RSAD2: variants seen among roughly 807,000 people sequenced by gnomAD.
RSAD2 encodes the protein radical S-adenosyl methionine domain containing 2.
RSAD2 carries 38 observed loss-of-function variants against 37.7 expected under a neutral mutation model. The ratio of observed to expected loss-of-function variants is 1.01; its 90% CI spans 0.78 to 1.32. The LOEUF (loss-of-function observed/expected upper bound fraction) is 1.32, where lower values mean the gene tolerates loss of function less well. Ranked by LOEUF, RSAD2 falls within the 40% of genes most tolerant of loss-of-function variation. RSAD2 has a pLI of 0.00. For synonymous variants in RSAD2, 163 were observed against 157.4 expected, an observed-to-expected ratio of 1.04 and a Z score of -0.27; for missense variants, 428 against 437.5, an observed-to-expected ratio of 0.98 and a Z score of 0.19.
intron 4 of RSAD2, among the ~76,000 whole-genome samples, chr2:6,890,773 G>A (rs1026076130): frequency 1.4e-4 from 22 of 152,288 alleles, no homozygotes; most frequent in Admixed American, 1.4e-3. Flanking sequence ...ACAGAATGTA[G>A]AAGAAATGTT....
At chr2:6,885,730 A>T (rs926141503) in intron 2 of RSAD2, among the ~76,000 whole-genome samples, 2 of 151,646 alleles carry the variant, frequency 1.3e-5, no homozygotes, top group African/African-American at 4.8e-5. Flanking sequence ...CTTGGAAATC[A>T]ACTAGGTCTG....
chr2:6,876,956 A>C (rs1389225470), upstream of RSAD2: 1 of 152,226 alleles, frequency 6.6e-6, no homozygotes, highest in Non-Finnish European at 1.5e-5. Flanking sequence ...AACTTCCTAC[A>C]GGTGTCACGA....
intron 1 of RSAD2, among the ~76,000 whole-genome samples, chr2:6,880,123 T>G (rs1663369723): frequency 6.6e-6 from 1 of 152,186 alleles, no homozygotes; most frequent in South Asian, 2.1e-4. Context: ...AAACAAAAGT[T>G]AATTGAAATG....
upstream of RSAD2, among the ~76,000 whole-genome samples, chr2:6,872,862 AATACTGAT>A (rs1663223318): frequency 6.6e-6 from 1 of 152,210 alleles, no homozygotes; most frequent in Non-Finnish European, 1.5e-5. Flanking sequence ...ATTTTCTTAA[AATACTGAT>A]TTGCTCTTAG....
chr2:6,883,314 A>G (rs1572156157), intron 1 of RSAD2, 57 bp from the exon 2 acceptor site: 1 of 1,528,332 alleles, frequency 6.5e-7, no homozygotes, highest in Non-Finnish European at 8.9e-7. Context: ...TACTTTTGCT[A>G]TTAAAATAAT....
rs370994911 is a variant in RSAD2, at chr2:6,882,120, GA to G, written c.347-1248del. On this transcript the variant is annotated intron_variant, in intron 1 of 5. Coordinates refer to ENST00000382040, the MANE Select transcript of RSAD2 (RefSeq NM_080657.5). ...GTTTACCTCTCTGTCTCTCTGTAGTGAAACCCTCTTTTGGACCAGCCCCTCC... is the reference window on the plus strand; with the variant it reads ...GTTTACCTCTCTGTCTCTCTGTAGTGAACCCTCTTTTGGACCAGCCCCTCC... Among the ~76,000 whole-genome samples, 1,069 of 152,324 alleles carry G rather than the reference GA, an allele frequency of 7.0e-3. 7 individuals carry two copies. Among genetic ancestry groups the G allele is most frequent in the African/African-American group, 0.024 (1,003 of 41,566 alleles).
rs769816294 is a variant in RSAD2 at position 6,877,874 on chromosome 2, G to A, written c.74G>A (p.Trp25Ter). The A allele has an allele frequency of 6.2e-7, 1 of 1,614,122 alleles. No homozygotes were observed. The highest frequency in any genetic ancestry group is 8.5e-7 in the Non-Finnish European group (1 of 1,180,034). ...TTCAGGCAACCTCTGAGCTCTCTGT[G>A]GAGGAGCCTGGTCCCGCTGTTCTGC... ...SVFRQPLSSLWRSLVPLFCWL... is the reference protein window; with the variant it reads ...SVFRQPLSSL Residue 25 changes from tryptophan (W) to a stop codon, truncating the protein, a stop_gained, in exon 1 of 6, where the codon TGG (tryptophan) becomes TAG (stop). Coordinates refer to ENST00000382040, the MANE Select transcript of RSAD2 (RefSeq NM_080657.5). LOFTEE classifies it high-confidence loss of function.
intron 3 of RSAD2, 121 bp downstream of exon 3, chr2:6,887,285 G>A: frequency 1.5e-6 from 1 of 679,548 alleles, no homozygotes. Flanking sequence ...AGCCAGTCCA[G>A]AAGTCAGGTC....
At position 6,883,459 on chromosome 2, in the gene RSAD2, A is replaced by G. The variant is rs765299045; in HGVS notation, c.435A>G (p.Val145=). The change falls in exon 2 of 6, where the codon GTA becomes GTG. Residue 145 remains valine, a synonymous_variant. Transcript: ENST00000382040. ...GCAAGTTGGTGAGGTTCTGCAAAGT[A>G]GAGTTGCGGCTGCCCAGCGTGAGCA... ...YLGKLVRFCK[V]ELRLPSVSIV... is the part of the protein sequence containing the mutation. The G allele has an allele frequency of 2.5e-6, 4 of 1,614,226 alleles. No homozygotes were observed. Among genetic ancestry groups the G allele is most frequent in the East Asian group, 2.2e-5 (1 of 44,878 alleles).
rs1224429246 is a variant in RSAD2 at position 6,878,015 on chromosome 2, C to G, written c.215C>G (p.Pro72Arg). The G allele has an allele frequency of 6.2e-7, 1 of 1,614,106 alleles. No individual in the cohort carries two copies. The highest frequency in any genetic ancestry group is 1.3e-5 in the African/African-American group (1 of 74,932). Reference protein sequence around the residue: ...EEEDPPLPTTPTSVNYHFTRQ... With the variant: ...EEEDPPLPTTRTSVNYHFTRQ... Reference sequence around the variant, plus strand: ...GAGGACCCTCCTCTGCCCACCACCCCAACCAGCGTCAACTATCACTTCACT... The same window carrying G: ...GAGGACCCTCCTCTGCCCACCACCCGAACCAGCGTCAACTATCACTTCACT... The change falls in exon 1 of 6, where the codon CCA (proline) becomes CGA (arginine). Residue 72 changes from proline to arginine, a missense_variant. By Grantham distance (103) the Pro-to-Arg change is moderately radical. Coordinates refer to ENST00000382040, the MANE Select transcript of RSAD2 (RefSeq NM_080657.5).
intron 4 of RSAD2, 97 bp downstream of exon 4, chr2:6,890,422 T>G: frequency 1.5e-6 from 2 of 1,348,430 alleles, no homozygotes; most frequent in Non-Finnish European, 2.1e-6. Flanking sequence ...CATTGTTATT[T>G]TAGAGGGTTC....
intron 1 of RSAD2, among the ~76,000 whole-genome samples, chr2:6,866,940 T>A (rs1416812224): frequency 2.0e-5 from 3 of 152,188 alleles, no homozygotes; most frequent in African/African-American, 7.2e-5. Flanking sequence ...GTTAATAGGC[T>A]AAGAAGAAAG....
chr2:6,890,233 G>A lies in RSAD2; in HGVS notation c.796G>A (p.Ala266Thr). 6.2e-7 allele frequency: 1 copy of A among 1,614,186 alleles called. No homozygotes were observed. Among genetic ancestry groups the A allele is most frequent in the Non-Finnish European group, 8.5e-7 (1 of 1,179,994 alleles). ...TTGTGGAGAAGATGCTCTAAGAGAAGCAGAAAGATTTGTTATTGGTGATGA... is the reference window on the plus strand; with the variant it reads ...TTGTGGAGAAGATGCTCTAAGAGAAACAGAAAGATTTGTTATTGGTGATGA... ...ENCGEDALREAERFVIGDEEF... is the reference protein window; with the variant it reads ...ENCGEDALRETERFVIGDEEF... The change falls in exon 4 of 6, where the codon GCA becomes ACA. Residue 266 changes from alanine to threonine, a missense_variant. Coordinates refer to ENST00000382040, the MANE Select transcript of RSAD2 (RefSeq NM_080657.5).
At chr2:6,890,940 A>G (rs898716354) in intron 4 of RSAD2, among the ~76,000 whole-genome samples, 1 of 152,166 alleles carries the variant, frequency 6.6e-6, no homozygotes, top group Non-Finnish European at 1.5e-5. Flanking sequence ...CAGAAGCTAC[A>G]GGAAAAAAAA....
At chr2:6,887,206 A>G (rs2103245872) in intron 3 of RSAD2, 42 bp downstream of exon 3, 1 of 1,456,414 alleles carries the variant, frequency 6.9e-7, no homozygotes, top group South Asian at 1.2e-5. Flanking sequence ...CTTCAAGAAA[A>G]CTTTCAGGAA....
At chr2:6,885,964 C>T (rs1049641284) in intron 2 of RSAD2, among the ~76,000 whole-genome samples, 12 of 152,012 alleles carry the variant, frequency 7.9e-5, no homozygotes, top group African/African-American at 2.4e-4. Flanking sequence ...ATGTTACATA[C>T]GGATAAAATA....
At chr2:6,867,780 T>G (rs1663130593) in intron 1 of RSAD2, among the ~76,000 whole-genome samples, 1 of 152,228 alleles carries the variant, frequency 6.6e-6, no homozygotes, top group Non-Finnish European at 1.5e-5. Context: ...AAATGAAGCA[T>G]CTTACCTTTT....
chr2:6,866,398 G>A (rs1163872466), intron 1 of RSAD2: 2 of 976,792 alleles, frequency 2.0e-6, no homozygotes, highest in South Asian at 4.7e-5. Flanking sequence ...ACTCACCTGT[G>A]CACACACTCA....
intron 3 of RSAD2, among the ~76,000 whole-genome samples, chr2:6,889,902 A>G (rs1480131746): frequency 6.6e-6 from 1 of 152,170 alleles, no homozygotes; most frequent in Non-Finnish European, 1.5e-5. Flanking sequence ...ATAAGTACCT[A>G]TTATTTTGTT....
Sources: gnomAD v4.1 joint callset for allele counts (sites outside exome capture counted in the v4.1 genomes callset) on GRCh38, gnomAD v4.1.1 for gene constraint, MANE v1.5 for transcripts, NCBI Gene and HGNC (gene_info 2026-07-23, HGNC 2026-07-21) for gene names.